Variants in TRRAP observed in about 807,000 individuals in gnomAD.
The protein encoded by TRRAP is transformation/transcription domain-associated protein.
Under a neutral mutation model 438.8 loss-of-function variants are expected in TRRAP, and 41 were observed. That is an observed-to-expected ratio of 0.09 (90% CI 0.07 to 0.12). The LOEUF (loss-of-function observed/expected upper bound fraction) is 0.12, where lower values mean the gene tolerates loss of function less well. TRRAP is among the 10% of genes least tolerant of loss of function. The probability of loss-of-function intolerance (pLI) is 1.00; values close to 1 mark genes in which losing one functional copy is unlikely to be tolerated. For missense variants in TRRAP, 3,122 were observed against 5,055.1 expected (o/e 0.62, Z 11.60); for synonymous variants, 1,994 against 1,962.9 (o/e 1.02, Z -0.42).
At chr7:98,942,605 G>T (rs966560217) in intron 30 of TRRAP, among the ~76,000 whole-genome samples, 3 of 152,176 alleles carry the variant, frequency 2.0e-5, no homozygotes, top group Non-Finnish European at 2.9e-5. Context: ...GATGTCGGCC[G>T]TTCATGTCTC....
intron 25 of TRRAP, 151 bp downstream of exon 25, chr7:98,930,981 C>A: frequency 2.9e-6 from 3 of 1,043,436 alleles, no homozygotes; most frequent in Non-Finnish European, 4.1e-6. Context: ...ACTAAAAGGA[C>A]AGCTCAGAGC....
At chr7:98,937,894 G>A (rs2116547967) in intron 30 of TRRAP, 74 bp downstream of exon 30, 4 of 1,448,906 alleles carry the variant, frequency 2.8e-6, no homozygotes, top group Middle Eastern at 2.4e-4. Context: ...AAATAATGCA[G>A]CTGGGCACAG....
At chr7:98,972,487 A>G (rs1296260981) in intron 53 of TRRAP, among the ~76,000 whole-genome samples, 1 of 152,238 alleles carries the variant, frequency 6.6e-6, no homozygotes, top group East Asian at 1.9e-4. Flanking sequence ...AAAAGAGGAG[A>G]AAATGATAAA....
rs1791197095 is a variant in TRRAP, at chr7:98,948,742, T to C, written c.4788+57T>C. The C allele has an allele frequency of 1.9e-6, 3 of 1,611,968 alleles. No homozygotes were observed. The Admixed American group carries it at 5.0e-5, about 27-fold the overall frequency. On this transcript the variant is annotated intron_variant, in intron 35 of 72. Transcript: ENST00000456197. The surrounding 1 kb of genome is among the most constrained non-coding windows in gnomAD (Gnocchi z 4.9). ...CCCTTCAAATGCTTGTGAGCTGTCG[T>C]GCTCTGAAATGTTCAGTTCATATTT...
rs1791303785 is a variant in TRRAP, at chr7:98,950,870, T to G, written c.5335-6T>G. 6.6e-7 allele frequency: 1 copy of G among 1,520,664 alleles called. No homozygotes were observed. The highest frequency in any genetic ancestry group is 1.4e-5 in the African/African-American group (1 of 70,746). The allele number at this position is 1,520,664 out of a possible 1,614,324, so 94.2% of individuals were successfully genotyped here. A position where few individuals can be genotyped will look rare whatever the true frequency, so the allele number is the denominator to read the frequency against. Reference sequence around the variant, plus strand: ...TTCTCCTTCTTTATTTAAATTTTTTTTGTAGGTTCTGCAGCATATCTTGAA... The same window carrying G: ...TTCTCCTTCTTTATTTAAATTTTTTGTGTAGGTTCTGCAGCATATCTTGAA... On this transcript the variant is annotated splice_region_variant and splice_polypyrimidine_tract_variant and intron_variant, in intron 38 of 72. Coordinates refer to ENST00000456197, the MANE Select transcript of TRRAP (RefSeq NM_001375524.1).
In TRRAP at chr7:98,976,025, T is replaced by G; in HGVS notation, c.7840-124T>G. ...CTAACATGGCATTTTCTCAGATCTT[T>G]GAAACTTTGAAAGTGGAGGAGCATC... is the stretch of plus-strand genomic sequence containing the variant. On this transcript the variant is annotated intron_variant, in intron 53 of 72. Coordinates refer to ENST00000456197, the MANE Select transcript of TRRAP (RefSeq NM_001375524.1). The surrounding 1 kb of genome is among the most constrained non-coding windows in gnomAD (Gnocchi z 4.6). 8.0e-7 allele frequency: 1 copy of G among 1,257,280 alleles called. No individual in the cohort carries two copies. Among genetic ancestry groups the G allele is most frequent in the Non-Finnish European group, 1.1e-6 (1 of 933,236 alleles). 77.9% of individuals were successfully genotyped at this position (1,257,280 alleles called of 1,614,324 possible). A position where few individuals can be genotyped will look rare whatever the true frequency, so the allele number is the denominator to read the frequency against.
At chr7:98,969,458 C>T (rs1417704002) in intron 51 of TRRAP, among the ~76,000 whole-genome samples, 1 of 152,244 alleles carries the variant, frequency 6.6e-6, no homozygotes, top group East Asian at 1.9e-4. Context: ...CTGGCTGTGT[C>T]CTTCCCCCTG....
At chr7:98,889,555 T>A (rs138619935) in intron 3 of TRRAP, among the ~76,000 whole-genome samples, 1,977 of 135,304 alleles carry the variant, frequency 0.015, 35 homozygotes, top group African/African-American at 0.054. Context: ...TTTTTTTTTT[T>A]AAAAAAAATA....
chr7:99,001,441 G>A (rs1179349118), intron 67 of TRRAP, among the ~76,000 whole-genome samples: 1 of 152,166 alleles, frequency 6.6e-6, no homozygotes, highest in Non-Finnish European at 1.5e-5. Flanking sequence ...GAAAGAAATG[G>A]TGGTATTCAG....
rs1466459180 is a variant in TRRAP, at chr7:98,967,092, A to G, written c.7228A>G (p.Ile2410Val). The G allele has an allele frequency of 7.4e-6, 12 of 1,614,036 alleles. No homozygotes were observed. The highest frequency in any genetic ancestry group is 2.7e-5 in the African/African-American group (2 of 74,948). The change falls in exon 50 of 73, where the codon ATA becomes GTA. Residue 2410 changes from isoleucine to valine, a missense_variant. Around this residue, in one of 24 missense-constraint regions of TRRAP, gnomAD observed 992 missense variants for 1,281.2 expected, o/e 0.77. Coordinates refer to ENST00000456197, the MANE Select transcript of TRRAP (RefSeq NM_001375524.1). ...TTTGCTTGTGAAGATGATGACTTAC[A>G]TAGAAAAACGCTTTCCGGAAGACCT... ...SILLVKMMTYIEKRFPEDLEL... is the reference protein window; with the variant it reads ...SILLVKMMTYVEKRFPEDLEL...
chr7:98,970,011 A>T, intron 51 of TRRAP, 101 bp from the exon 52 acceptor site: 1 of 1,409,420 alleles, frequency 7.1e-7, no homozygotes, highest in Non-Finnish European at 9.7e-7. Flanking sequence ...GGACCTGCAG[A>T]GTCAGAGGTG....
At chr7:98,911,538 C>T (rs782513746) in intron 17 of TRRAP, among the ~76,000 whole-genome samples, 3 of 152,008 alleles carry the variant, frequency 2.0e-5, no homozygotes, top group South Asian at 2.1e-4. Flanking sequence ...TTTAGGAGGC[C>T]GGGGATTGCT....
intron 13 of TRRAP, among the ~76,000 whole-genome samples, chr7:98,906,574 A>C (rs1796745291): frequency 6.6e-6 from 1 of 152,104 alleles, no homozygotes; most frequent in South Asian, 2.1e-4. Context: ...CTGGGATTAC[A>C]GGTGCCTACC....
chr7:98,879,589 G>A (rs1554402703), intron 1 of TRRAP, among the ~76,000 whole-genome samples: 1 of 152,156 alleles, frequency 6.6e-6, no homozygotes, highest in East Asian at 1.9e-4. Context: ...GAGAGTCCGT[G>A]ACCCCCATGC....
Position 98,886,335 on chromosome 7 carries a change from T to G in TRRAP, c.151-4000T>G, listed in dbSNP as rs146404412. ...ATATCTATATAGATAGAGATAGATA[T>G]AGATAGATATAGATATCTATATAGA... On this transcript the variant is annotated intron_variant, in intron 3 of 72. Transcript: ENST00000456197. 9.3e-5 allele frequency among the ~76,000 whole-genome samples: 14 copies of G among 150,402 alleles called. No individual in the cohort carries two copies. The East Asian group carries it at 1.5e-3, about 17-fold the overall frequency.
chr7:98,903,000 C>T (rs1381434153), intron 11 of TRRAP, among the ~76,000 whole-genome samples: 3 of 150,686 alleles, frequency 2.0e-5, no homozygotes, highest in African/African-American at 4.9e-5. Flanking sequence ...CCCAGGAAGT[C>T]GAGGGTCACT....
At chr7:98,978,725 G>A (rs770967017) in intron 57 of TRRAP, 44 bp from the exon 58 acceptor site, 1 of 1,612,924 alleles carries the variant, frequency 6.2e-7, no homozygotes, top group African/African-American at 1.3e-5. Context: ...ATTCATGAGT[G>A]TGCTGGTGAT....
At chr7:98,883,802 C>G (rs1428965163) in intron 3 of TRRAP, among the ~76,000 whole-genome samples, 1 of 152,196 alleles carries the variant, frequency 6.6e-6, no homozygotes, top group African/African-American at 2.4e-5. Context: ...ATGTGAGCCA[C>G]TGTGCCCAAC....
intron 20 of TRRAP, among the ~76,000 whole-genome samples, 187 bp downstream of exon 20, chr7:98,917,866 G>T (rs1789580851): frequency 6.6e-6 from 1 of 152,052 alleles, no homozygotes; most frequent in Non-Finnish European, 1.5e-5. Flanking sequence ...TCCTGACTGT[G>T]ATCCCAGCAC....
Sources: gnomAD v4.1 joint callset for allele counts (sites outside exome capture counted in the v4.1 genomes callset) on GRCh38, gnomAD v4.1.1 for gene constraint, gnomAD v4.1.1 regional missense constraint, Gnocchi (gnomAD v3.1) non-coding constraint, MANE v1.5 for transcripts, NCBI Gene and HGNC (gene_info 2026-07-23, HGNC 2026-07-21) for gene names.